The following PRIM2 variants were observed in gnomAD, a reference collection of about 807,000 sequenced individuals.
PRIM2 encodes DNA primase subunit 2.
PRIM2 carries 39 observed loss-of-function variants against 67.3 expected under a neutral mutation model. The observed-to-expected ratio is 0.58, with a 90% CI of 0.45 to 0.76. The LOEUF is 0.76. Ranked by LOEUF, PRIM2 falls within the 30% of genes least tolerant of loss-of-function variation. PRIM2 has a pLI of 0.00. For synonymous variants in PRIM2, 143 were observed against 198.7 expected, an observed-to-expected ratio of 0.72 and a Z score of 2.36; for missense variants, 398 against 598.7, an observed-to-expected ratio of 0.66 and a Z score of 3.50.
intron 8 of PRIM2, among the ~76,000 whole-genome samples, chr6:57,531,739 C>T (rs1763725846): frequency 1.3e-5 from 2 of 152,194 alleles, no homozygotes; most frequent in Admixed American, 6.5e-5. Context: ...GACTTGCTTT[C>T]TGATCCTAAC....
At chr6:57,225,139 A>C in the PRIM2 span, among the ~76,000 whole-genome samples, 46 of 152,198 alleles carry the variant, frequency 3.0e-4, no homozygotes, top group African/African-American at 1.1e-3. Flanking sequence ...TTTTAAAAAA[A>C]TGGTATATAA....
chr6:57,444,886 G>T (rs1286869435), intron 7 of PRIM2, among the ~76,000 whole-genome samples: 1 of 151,658 alleles, frequency 6.6e-6, no homozygotes, highest in Non-Finnish European at 1.5e-5. Context: ...ATAATTTGGG[G>T]TGGCAGATTT....
the PRIM2 span, among the ~76,000 whole-genome samples, chr6:57,245,729 C>T: frequency 2.6e-5 from 4 of 152,158 alleles, no homozygotes; most frequent in African/African-American, 9.7e-5. Context: ...TCAGTAAGAA[C>T]ATAATTATCA....
At chr6:57,272,208 T>G in the PRIM2 span, among the ~76,000 whole-genome samples, 16,158 of 152,044 alleles carry the variant, frequency 0.11, 1,436 homozygotes, top group African/African-American at 0.23. Context: ...TCGTTGATCT[T>G]TCTAATGTTG....
intron 7 of PRIM2, among the ~76,000 whole-genome samples, chr6:57,438,272 C>T (rs1772080550): frequency 6.6e-6 from 1 of 152,012 alleles, no homozygotes; most frequent in Non-Finnish European, 1.5e-5. Flanking sequence ...TTTACAAATT[C>T]TGCTACTTTA....
chr6:57,222,755 GT>G, the PRIM2 span, among the ~76,000 whole-genome samples: 4 of 152,090 alleles, frequency 2.6e-5, no homozygotes, highest in Non-Finnish European at 5.9e-5. Context: ...TGCTTCAGTT[GT>G]TTTTATATTT....
chr6:57,223,896 A>T, the PRIM2 span, among the ~76,000 whole-genome samples: 10 of 152,224 alleles, frequency 6.6e-5, no homozygotes, highest in Non-Finnish European at 1.2e-4. Context: ...TGGTACGGCC[A>T]CTATGGAAAA....
the PRIM2 span, among the ~76,000 whole-genome samples, chr6:57,280,758 C>T: frequency 2.0e-5 from 3 of 152,250 alleles, no homozygotes; most frequent in Admixed American, 6.5e-5. Context: ...CTGCCTGCCT[C>T]GGCCTCCCAA....
At chr6:57,255,720 G>A in the PRIM2 span, among the ~76,000 whole-genome samples, 2 of 150,612 alleles carry the variant, frequency 1.3e-5, no homozygotes, top group Admixed American at 1.3e-4. Flanking sequence ...TCGTGAACTT[G>A]TAAAGGCAGG....
chr6:57,401,585 C>T (rs1365550739), intron 7 of PRIM2, among the ~76,000 whole-genome samples: 1 of 152,144 alleles, frequency 6.6e-6, no homozygotes, highest in African/African-American at 2.4e-5. Context: ...CTGGGCCTGC[C>T]CAGTGCAGTT....
chr6:57,411,220 T>A (rs1281960933), intron 7 of PRIM2, among the ~76,000 whole-genome samples: 2 of 152,052 alleles, frequency 1.3e-5, no homozygotes, highest in East Asian at 3.9e-4. Context: ...CCCTGAGGCC[T>A]CCCCAGATGC....
At chr6:57,354,503 A>C (rs1350169060) in intron 5 of PRIM2, among the ~76,000 whole-genome samples, 1 of 151,902 alleles carries the variant, frequency 6.6e-6, no homozygotes, top group African/African-American at 2.4e-5. Context: ...CTAACTGATA[A>C]ACTCACCGTT....
At chr6:57,556,316 A>T (rs1392258377) in intron 10 of PRIM2, among the ~76,000 whole-genome samples, 99,404 of 142,544 alleles carry the variant, frequency 0.7, 34,524 homozygotes, top group African/African-American at 0.84. Flanking sequence ...TGGAACCAAA[A>T]AGGCCTTAGT....
the PRIM2 span, among the ~76,000 whole-genome samples, chr6:57,244,687 A>C: frequency 6.6e-6 from 1 of 151,418 alleles, no homozygotes; most frequent in East Asian, 1.9e-4. Flanking sequence ...CTTGAACCCG[A>C]GTGGCAGGGG....
intron 5 of PRIM2, among the ~76,000 whole-genome samples, chr6:57,363,481 TAA>T (rs928187079): frequency 2.0e-5 from 3 of 152,158 alleles, no homozygotes; most frequent in African/African-American, 7.2e-5. Flanking sequence ...AAAGAAGAAA[TAA>T]GAGATTGTCT....
intron 7 of PRIM2, among the ~76,000 whole-genome samples, chr6:57,502,915 C>A (rs1408052318): frequency 1.3e-5 from 2 of 152,104 alleles, no homozygotes; most frequent in East Asian, 1.9e-4. Context: ...AACAGAAGGT[C>A]TTGGATATTC....
the PRIM2 span, among the ~76,000 whole-genome samples, chr6:57,306,426 A>T: frequency 6.6e-6 from 1 of 152,152 alleles, no homozygotes; most frequent in African/African-American, 2.4e-5. Flanking sequence ...CAAGAGACGA[A>T]ATTCACTGTC....
intron 7 of PRIM2, among the ~76,000 whole-genome samples, chr6:57,463,920 G>C (rs111856172): frequency 0.11 from 16,058 of 152,146 alleles, 940 homozygotes; most frequent in East Asian, 0.2. Context: ...CTCCAGTTGT[G>C]CTGGCCTTCT....
chr6:57,582,460 A>G (rs1354269687), intron 10 of PRIM2, among the ~76,000 whole-genome samples: 1 of 152,162 alleles, frequency 6.6e-6, no homozygotes, highest in Non-Finnish European at 1.5e-5. Flanking sequence ...ATACTGAAAC[A>G]CTATTTAATA....
Sources: gnomAD v4.1 joint callset for allele counts (sites outside exome capture counted in the v4.1 genomes callset) on GRCh38, gnomAD v4.1.1 for gene constraint, MANE v1.5 for transcripts, NCBI Gene and HGNC (gene_info 2026-07-23, HGNC 2026-07-21) for gene names.